SFRP1: variants seen among roughly 807,000 people sequenced by gnomAD.
SFRP1 encodes the protein secreted frizzled related protein 1, also known as secreted frizzled-related protein 1.
In SFRP1, 9 loss-of-function variants were observed where a neutral mutation model predicts 25.9. The ratio of observed to expected loss-of-function variants is 0.35; its 90% CI spans 0.21 to 0.61. The LOEUF is 0.61. Ranked by LOEUF, SFRP1 falls within the 20% of genes least tolerant of loss-of-function variation. The probability of loss-of-function intolerance (pLI) is 0.78; values close to 1 mark genes in which losing one functional copy is unlikely to be tolerated. For synonymous variants in SFRP1, 178 were observed against 174.0 expected (o/e 1.02, Z -0.18); for missense variants, 346 against 418.2 (o/e 0.83, Z 1.51).
chr8:41,305,314 CT>C (rs1803979107), intron 1 of SFRP1, among the ~76,000 whole-genome samples: 1 of 152,236 alleles, frequency 6.6e-6, no homozygotes. Context: ...CCTCTGGACA[CT>C]TGAAGTTCGC....
intron 2 of SFRP1, among the ~76,000 whole-genome samples, chr8:41,291,099 G>C (rs967950809): frequency 6.6e-6 from 1 of 150,992 alleles, no homozygotes; most frequent in Non-Finnish European, 1.5e-5. Flanking sequence ...TAGTGGAGAC[G>C]GGGTTTCCCC....
Position 41,265,096 on chromosome 8 carries a change from G to A in SFRP1, c.*71C>T, listed in dbSNP as rs1803417672. Reference sequence around the variant, plus strand: ...CGCAGTGCGTGTGTGTGACCCACCGGGTTCCCGGGGCACTGTCCCCCCCGC... The same window carrying A: ...CGCAGTGCGTGTGTGTGACCCACCGAGTTCCCGGGGCACTGTCCCCCCCGC... On this transcript the variant is annotated 3_prime_UTR_variant, in exon 3 of 3. Transcript: ENST00000220772. 2 of 1,143,452 alleles carry A rather than the reference G, an allele frequency of 1.7e-6. No homozygotes were observed. Among genetic ancestry groups the A allele is most frequent in the South Asian group, 3.0e-5 (2 of 66,266 alleles). 70.8% of individuals were successfully genotyped at this position (1,143,452 alleles called of 1,614,324 possible). A position where few individuals can be genotyped will look rare whatever the true frequency, so the allele number is the denominator to read the frequency against.
In SFRP1 at chr8:41,263,118, T is replaced by A. The variant is rs981759584; in HGVS notation, c.*2049A>T. On this transcript the variant is annotated 3_prime_UTR_variant, in exon 3 of 3. Coordinates refer to ENST00000220772, the MANE Select transcript of SFRP1 (RefSeq NM_003012.5). ...GCCGCAGAGAGAGGGCCCGGTTGCATGAGGCACTTTGTCAAAATGAGCAGA... is the reference window on the plus strand; with the variant it reads ...GCCGCAGAGAGAGGGCCCGGTTGCAAGAGGCACTTTGTCAAAATGAGCAGA... 1 of 152,568 alleles carries A rather than the reference T, an allele frequency of 6.6e-6. No individual in the cohort carries two copies. The highest frequency in any genetic ancestry group is 2.4e-5 in the African/African-American group (1 of 41,440). 9.5% of individuals were successfully genotyped at this position (152,568 alleles called of 1,614,324 possible).
At chr8:41,279,340 C>T (rs1483116015) in intron 2 of SFRP1, among the ~76,000 whole-genome samples, 4 of 152,140 alleles carry the variant, frequency 2.6e-5, no homozygotes, top group East Asian at 3.9e-4. Context: ...CAGTGGTCAC[C>T]GAGTGCTTGC....
intron 2 of SFRP1, among the ~76,000 whole-genome samples, chr8:41,268,096 C>CA (rs1453469333): frequency 1.3e-5 from 2 of 152,192 alleles, no homozygotes; most frequent in Non-Finnish European, 2.9e-5. Flanking sequence ...GCTGACAAGG[C>CA]GAGCGCCCTC....
rs868444141 is a variant in SFRP1, at chr8:41,284,441, C to T, written c.623-18952G>A. ...AGGGCCCCTCCCACAGCAAACCCCA[C>T]TCATGCACTGGGCACAGTGCTCTGG... is the stretch of plus-strand genomic sequence containing the variant. On this transcript the variant is annotated intron_variant, in intron 2 of 2. Transcript: ENST00000220772. Among the ~76,000 whole-genome samples the T allele has an allele frequency of 2.1e-4, 31 of 150,088 alleles. No individual in the cohort carries two copies. In the Middle Eastern group the frequency reaches 0.014, roughly 66 times the overall value.
chr8:41,265,114 C>T lies in SFRP1; in HGVS notation c.*53G>A, dbSNP rs1270797145. 2.3e-6 allele frequency: 1 copy of T among 443,648 alleles called. No individual in the cohort carries two copies. The highest frequency in any genetic ancestry group is 4.3e-6 in the Non-Finnish European group (1 of 231,430). The allele number at this position is 443,648 out of a possible 1,614,324, so 27.5% of individuals were successfully genotyped here. On this transcript the variant is annotated 3_prime_UTR_variant, in exon 3 of 3. Coordinates refer to ENST00000220772, the MANE Select transcript of SFRP1 (RefSeq NM_003012.5). The stretch of plus-strand genomic sequence containing the variant: ...CCCACCGGGTTCCCGGGGCACTGTC[C>T]CCCCCGCTCCCACCCCACCCGAGGC...
intron 2 of SFRP1, among the ~76,000 whole-genome samples, chr8:41,286,153 A>G (rs1803698557): frequency 6.6e-6 from 1 of 151,812 alleles, no homozygotes; most frequent in South Asian, 2.1e-4. Flanking sequence ...AACCCAAGAG[A>G]GAGAAACACT....
chr8:41,287,727 A>C lies in SFRP1; in HGVS notation c.622+15734T>G, dbSNP rs115884516. Among the ~76,000 whole-genome samples the C allele has an allele frequency of 6.5e-3, 989 of 152,340 alleles. 10 individuals carry two copies. Among genetic ancestry groups the C allele is most frequent in the African/African-American group, 0.022 (910 of 41,562 alleles). On this transcript the variant is annotated intron_variant, in intron 2 of 2. Transcript: ENST00000220772. ...AAGCTTCTCTGAGAAATACATTACC[A>C]TTACTATCCTGGCTTCAATTTGGTA...
chr8:41,287,993 G>A (rs960841208), intron 2 of SFRP1, among the ~76,000 whole-genome samples: 3 of 152,146 alleles, frequency 2.0e-5, no homozygotes, highest in Non-Finnish European at 4.4e-5. Context: ...ATAGGCAGGA[G>A]GATAACTTGA....
chr8:41,286,138 C>T (rs1193351824), intron 2 of SFRP1, among the ~76,000 whole-genome samples: 7 of 151,908 alleles, frequency 4.6e-5, no homozygotes, highest in Non-Finnish European at 8.8e-5. Flanking sequence ...GGGATGGGGA[C>T]GATGAACCCA....
intron 2 of SFRP1, among the ~76,000 whole-genome samples, chr8:41,288,530 CAAAAAAAAAAAAAAAAAAAAAAA>C (rs397893046): frequency 9.5e-4 from 37 of 39,110 alleles, no homozygotes; most frequent in South Asian, 8.4e-3. Context: ...AGACCCTGTC[CAAAAAAAAAAAAAAAAAAAAAAA>C]AAAAAAAAAA....
chr8:41,277,692 T>C (rs1247261732), intron 2 of SFRP1, among the ~76,000 whole-genome samples: 1 of 152,182 alleles, frequency 6.6e-6, no homozygotes, highest in Non-Finnish European at 1.5e-5. Context: ...CACAGCTCAC[T>C]GCAGCCTTGA....
chr8:41,304,440 C>A (rs1475293013), intron 1 of SFRP1, among the ~76,000 whole-genome samples: 1 of 139,148 alleles, frequency 7.2e-6, no homozygotes, highest in African/African-American at 2.4e-5. Flanking sequence ...ACCTATCAAG[C>A]AGCCTGGAGC....
At chr8:41,308,574 A>G (rs2117525936) in intron 1 of SFRP1, 42 bp downstream of exon 1, 5 of 1,467,442 alleles carry the variant, frequency 3.4e-6, no homozygotes, top group Admixed American at 2.0e-5. Context: ...CGGCCGGGGG[A>G]TGGAGGGGGC....
In SFRP1 at chr8:41,265,503, G is replaced by C; in HGVS notation, c.623-14C>G. On this transcript the variant is annotated splice_polypyrimidine_tract_variant and intron_variant, in intron 2 of 2. Transcript: ENST00000220772. Reference sequence around the variant, plus strand: ...TCATCCTCAGTGCTAGAGATGGAGAGGACAGAAGAAGAGAAAAGAGGGTAA... The same window carrying C: ...TCATCCTCAGTGCTAGAGATGGAGACGACAGAAGAAGAGAAAAGAGGGTAA... The C allele has an allele frequency of 1.3e-6, 2 of 1,574,656 alleles. No homozygotes were observed. Among genetic ancestry groups the C allele is most frequent in the Non-Finnish European group, 1.7e-6 (2 of 1,164,664 alleles).
In SFRP1 at chr8:41,263,984, C is replaced by T. The variant is rs1398515379; in HGVS notation, c.*1183G>A. On this transcript the variant is annotated 3_prime_UTR_variant, in exon 3 of 3. Transcript: ENST00000220772. ...AAAACGGAAAGCTCTGTGAGTTTTG[C>T]TAGGGGGTGTTAGGTTCTAGGGCAA... 11 of 152,082 alleles carry T rather than the reference C, an allele frequency of 7.2e-5. No homozygotes were observed. Among genetic ancestry groups the T allele is most frequent in the African/African-American group, 2.7e-4 (11 of 41,418 alleles). 9.4% of individuals were successfully genotyped at this position (152,082 alleles called of 1,614,324 possible).
intron 2 of SFRP1, among the ~76,000 whole-genome samples, chr8:41,281,749 C>A (rs1319442391): frequency 6.6e-6 from 1 of 152,192 alleles, no homozygotes; most frequent in Non-Finnish European, 1.5e-5. Context: ...CAGGGGAAAC[C>A]CCCACACCCT....
intron 1 of SFRP1, chr8:41,306,868 TG>T: frequency 1.3e-6 from 2 of 1,596,470 alleles, no homozygotes; most frequent in Non-Finnish European, 8.5e-7. Context: ...CACAGCCTTT[TG>T]GGGGCTGGGG....
Sources: allele counts gnomAD v4.1 joint callset (sites outside exome capture counted in the v4.1 genomes callset), GRCh38; gene constraint gnomAD v4.1.1; transcripts MANE v1.5; gene names NCBI Gene and HGNC (gene_info 2026-07-23, HGNC 2026-07-21).